The following GRM7 variants were observed in gnomAD, a reference collection of about 807,000 sequenced individuals.
The protein encoded by GRM7 is glutamate metabotropic receptor 7.
GRM7 carries 35 observed loss-of-function variants against 84.5 expected under a neutral mutation model. The observed-to-expected ratio is 0.41, with a 90% CI of 0.32 to 0.55. GRM7 has a LOEUF of 0.55. Among genes scored for constraint, GRM7 ranks in the 20% least tolerant of loss-of-function variants. The pLI, the probability that GRM7 is intolerant of heterozygous loss-of-function variation, is 0.19. For missense variants in GRM7, 1,003 were observed against 1,194.6 expected (o/e 0.84, Z 2.36); for synonymous variants, 487 against 455.1 (o/e 1.07, Z -0.89).
Position 6,985,546 on chromosome 3 carries a change from G to A in GRM7, c.519+123639G>A, listed in dbSNP as rs145324813. 2.6e-3 allele frequency among the ~76,000 whole-genome samples: 399 copies of A among 152,302 alleles called. 4 individuals are homozygous for A. The highest frequency in any genetic ancestry group is 9.2e-3 in the African/African-American group (382 of 41,562). ...GTTGTTTCATTGTTGCCACAGGCTT[G>A]CAGGTATGCCTGATGGATCTTGTGT... On this transcript the variant is annotated intron_variant, in intron 1 of 9. Coordinates refer to ENST00000357716, the MANE Select transcript of GRM7 (RefSeq NM_000844.4).
At chr3:7,729,729 C>T (rs930483824) in intron 9 of GRM7, among the ~76,000 whole-genome samples, 76 of 152,150 alleles carry the variant, frequency 5.0e-4, no homozygotes, top group African/African-American at 1.5e-3. Context: ...GTTTTTGAGA[C>T]GGAGTCTCAC....
intron 9 of GRM7, among the ~76,000 whole-genome samples, chr3:7,707,588 T>C (rs757181811): frequency 1.4e-3 from 208 of 152,310 alleles, no homozygotes; most frequent in Non-Finnish European, 2.7e-3. Flanking sequence ...TTTTTTTTAA[T>C]AATTAAACCA....
At chr3:6,908,719 G>A (rs1322361468) in intron 1 of GRM7, among the ~76,000 whole-genome samples, 1 of 152,086 alleles carries the variant, frequency 6.6e-6, no homozygotes, top group East Asian at 1.9e-4. Context: ...AAAAAGACCA[G>A]TCTTTTTTGT....
At chr3:6,979,760 T>G (rs1433036888) in intron 1 of GRM7, among the ~76,000 whole-genome samples, 1 of 152,204 alleles carries the variant, frequency 6.6e-6, no homozygotes, top group Non-Finnish European at 1.5e-5. Context: ...TTTTCACCAT[T>G]ACTTTTAATT....
intron 2 of GRM7, among the ~76,000 whole-genome samples, chr3:7,242,958 G>A (rs1312170008): frequency 1.3e-5 from 2 of 151,650 alleles, no homozygotes; most frequent in African/African-American, 2.4e-5. Context: ...TCCCTTAAAG[G>A]TAACCTATTA....
At chr3:7,030,996 T>A (rs1171240053) in intron 1 of GRM7, among the ~76,000 whole-genome samples, 3 of 152,196 alleles carry the variant, frequency 2.0e-5, no homozygotes, top group African/African-American at 7.2e-5. Context: ...ATGCTCTACT[T>A]ATTGAAAAAA....
intron 1 of GRM7, among the ~76,000 whole-genome samples, chr3:7,018,084 G>T (rs575958928): frequency 6.6e-6 from 1 of 152,250 alleles, no homozygotes; most frequent in East Asian, 1.9e-4. Flanking sequence ...ACCATGATAA[G>T]AAAAAGGATA....
chr3:7,502,572 G>A (rs535154918), intron 7 of GRM7, among the ~76,000 whole-genome samples: 12 of 152,008 alleles, frequency 7.9e-5, no homozygotes, highest in Middle Eastern at 3.4e-3. Context: ...GTTAATTCTC[G>A]TGTGTGTGTG....
intron 8 of GRM7, among the ~76,000 whole-genome samples, chr3:7,632,411 A>C (rs773201233): frequency 6.6e-6 from 1 of 152,312 alleles, no homozygotes; most frequent in South Asian, 2.1e-4. Flanking sequence ...AGGAATAAAG[A>C]ATAATGTTGA....
chr3:7,218,100 A>G (rs1223515709), intron 2 of GRM7, among the ~76,000 whole-genome samples: 1 of 152,170 alleles, frequency 6.6e-6, no homozygotes, highest in Non-Finnish European at 1.5e-5. Context: ...CTAACAGTGT[A>G]GCAATCAATC....
intron 4 of GRM7, among the ~76,000 whole-genome samples, chr3:7,330,843 T>C (rs1701179929): frequency 6.6e-6 from 1 of 152,170 alleles, no homozygotes; most frequent in Admixed American, 6.5e-5. Flanking sequence ...TTGTTCCTAC[T>C]TTCACACCTA....
intron 4 of GRM7, among the ~76,000 whole-genome samples, chr3:7,379,752 T>C (rs576515765): frequency 3.3e-5 from 5 of 152,336 alleles, no homozygotes; most frequent in Admixed American, 2.0e-4. Flanking sequence ...GTTTTACATA[T>C]GTTCCTTCTG....
chr3:6,890,247 T>C (rs1255051755), intron 1 of GRM7, among the ~76,000 whole-genome samples: 3 of 152,212 alleles, frequency 2.0e-5, no homozygotes, highest in Non-Finnish European at 2.9e-5. Flanking sequence ...TCTGCTCTGA[T>C]TTTAGTTATT....
At position 7,679,989 on chromosome 3, in the gene GRM7, T is replaced by A. The variant is rs545366272; in HGVS notation, c.2452-60T>A. On this transcript the variant is annotated intron_variant, in intron 8 of 9. Coordinates refer to ENST00000357716, the MANE Select transcript of GRM7 (RefSeq NM_000844.4). Reference sequence around the variant, plus strand: ...GTCGTTCTTGACATCGCTTTAAGTGTTCAGACCCCTACTGCAGTCATTTTA... The same window carrying A: ...GTCGTTCTTGACATCGCTTTAAGTGATCAGACCCCTACTGCAGTCATTTTA... 9.5e-5 allele frequency: 148 copies of A among 1,552,104 alleles called. No individual in the cohort carries two copies. In the African/African-American group the frequency reaches 1.9e-3, roughly 20 times the overall value.
At chr3:6,944,545 A>G (rs1697994198) in intron 1 of GRM7, among the ~76,000 whole-genome samples, 2 of 152,118 alleles carry the variant, frequency 1.3e-5, no homozygotes, top group Non-Finnish European at 2.9e-5. Flanking sequence ...ATGACAAATG[A>G]TCATTTTTAT....
chr3:6,937,959 T>C (rs1190561283), intron 1 of GRM7, among the ~76,000 whole-genome samples: 2 of 152,188 alleles, frequency 1.3e-5, no homozygotes, highest in Non-Finnish European at 2.9e-5. Flanking sequence ...TAAATACTGA[T>C]GACATCCTCA....
intron 7 of GRM7, among the ~76,000 whole-genome samples, chr3:7,575,104 T>C (rs1268202553): frequency 6.6e-6 from 1 of 152,234 alleles, no homozygotes; most frequent in Non-Finnish European, 1.5e-5. Flanking sequence ...CATTTATCTA[T>C]GCAGTCTATT....
At chr3:7,000,904 T>C (rs938206431) in intron 1 of GRM7, among the ~76,000 whole-genome samples, 3 of 152,132 alleles carry the variant, frequency 2.0e-5, no homozygotes, top group Non-Finnish European at 4.4e-5. Flanking sequence ...GAATGAACTC[T>C]GACTATAGGA....
intron 1 of GRM7, among the ~76,000 whole-genome samples, chr3:6,995,462 G>T (rs1393554900): frequency 2.0e-5 from 3 of 152,204 alleles, no homozygotes; most frequent in Non-Finnish European, 4.4e-5. Context: ...TGTTGAGGTT[G>T]TTACAGCAGT....
Sources: allele counts gnomAD v4.1 joint callset (sites outside exome capture counted in the v4.1 genomes callset), GRCh38; gene constraint gnomAD v4.1.1; transcripts MANE v1.5; gene names NCBI Gene and HGNC (gene_info 2026-07-23, HGNC 2026-07-21).